Variants in SOX6 observed in about 807,000 individuals in gnomAD.
SOX6 encodes transcription factor SOX-6.
In SOX6, 11 loss-of-function variants were observed where a neutral mutation model predicts 97.8. The ratio of observed to expected loss-of-function variants is 0.11; its 90% CI spans 0.07 to 0.19. The LOEUF (loss-of-function observed/expected upper bound fraction) is 0.19, where lower values mean the gene tolerates loss of function less well. Ranked by LOEUF, SOX6 falls within the 10% of genes least tolerant of loss-of-function variation. The pLI is 1.00. For synonymous variants in SOX6, 360 were observed against 371.4 expected, an observed-to-expected ratio of 0.97 and a Z score of 0.35; for missense variants, 810 against 1,039.5, an observed-to-expected ratio of 0.78 and a Z score of 3.04.
chr11:16,154,976 C>G (rs763395085), intron 6 of SOX6, among the ~76,000 whole-genome samples: 103 of 151,882 alleles, frequency 6.8e-4, no homozygotes, highest in Non-Finnish European at 1.4e-3. Flanking sequence ...AAGACTATCG[C>G]TCCTTCTTTT....
intron 7 of SOX6, 39 bp from the exon 8 acceptor site, chr11:16,097,727 A>G (rs1848835790): frequency 1.9e-6 from 3 of 1,556,920 alleles, no homozygotes; most frequent in South Asian, 1.1e-5. Flanking sequence ...TAGACAATGC[A>G]CAGGGAATTG....
At chr11:16,130,329 A>G (rs1849708914) in intron 6 of SOX6, among the ~76,000 whole-genome samples, 1 of 152,016 alleles carries the variant, frequency 6.6e-6, no homozygotes, top group Non-Finnish European at 1.5e-5. Context: ...TTGCTAAGAG[A>G]GTAGAGTGTA....
chr11:16,324,035 T>A (rs1013457555), intron 2 of SOX6, among the ~76,000 whole-genome samples: 1 of 151,728 alleles, frequency 6.6e-6, no homozygotes, highest in Admixed American at 6.6e-5. Flanking sequence ...ATAAAAAAAA[T>A]TAGCTGAGTG....
chr11:16,373,532 C>T (rs1857548743), intron 1 of SOX6, among the ~76,000 whole-genome samples: 1 of 151,974 alleles, frequency 6.6e-6, no homozygotes, highest in South Asian at 2.1e-4. Flanking sequence ...CCTTACAGCT[C>T]TAGAAACAGT....
At chr11:16,355,226 CACAA>C (rs1396022399) in intron 1 of SOX6, among the ~76,000 whole-genome samples, 2 of 151,842 alleles carry the variant, frequency 1.3e-5, no homozygotes, top group African/African-American at 2.4e-5. Context: ...AGACCAAACT[CACAA>C]ACAATAAGGT....
At chr11:16,410,347 T>A (rs1858778795) in intron 1 of SOX6, among the ~76,000 whole-genome samples, 1 of 152,138 alleles carries the variant, frequency 6.6e-6, no homozygotes, top group Non-Finnish European at 1.5e-5. Flanking sequence ...TTTGTGTAGG[T>A]CATGACAGGC....
intron 3 of SOX6, among the ~76,000 whole-genome samples, chr11:16,280,128 A>C (rs1854511910): frequency 6.6e-6 from 1 of 152,142 alleles, no homozygotes; most frequent in African/African-American, 2.4e-5. Flanking sequence ...AACCATGGAC[A>C]TATGTATATG....
chr11:16,140,191 C>A (rs577173844), intron 6 of SOX6, among the ~76,000 whole-genome samples: 1 of 152,236 alleles, frequency 6.6e-6, no homozygotes, highest in Admixed American at 6.5e-5. Context: ...TGTTAAGCCA[C>A]CACTATGAGA....
intron 4 of SOX6, among the ~76,000 whole-genome samples, chr11:16,493,556 A>G (rs1022488227): frequency 1.3e-5 from 2 of 152,178 alleles, no homozygotes; most frequent in Non-Finnish European, 2.9e-5. Context: ...CTACTTCTTA[A>G]CCTGGGTGGT....
intron 4 of SOX6, among the ~76,000 whole-genome samples, chr11:16,567,796 C>T (rs1473031458): frequency 2.8e-4 from 41 of 145,898 alleles, no homozygotes; most frequent in Non-Finnish European, 5.7e-4. Context: ...AGGCTTGTCT[C>T]GAACTCCTGA....
intron 15 of SOX6, among the ~76,000 whole-genome samples, chr11:15,979,237 T>C (rs528591130): frequency 6.6e-6 from 1 of 151,772 alleles, no homozygotes; most frequent in East Asian, 1.9e-4. Context: ...ACTGTATTTC[T>C]TTCAAACTCT....
chr11:16,049,613 G>T, intron 11 of SOX6, 142 bp downstream of exon 11: 1 of 936,840 alleles, frequency 1.1e-6, no homozygotes. Flanking sequence ...ATACTAAATT[G>T]GGTTATGTTT....
At chr11:16,095,009 A>G (rs1241606444) in intron 9 of SOX6, among the ~76,000 whole-genome samples, 1 of 151,890 alleles carries the variant, frequency 6.6e-6, no homozygotes. Context: ...TTCATTGACT[A>G]CATAGTGTTT....
intron 10 of SOX6, among the ~76,000 whole-genome samples, chr11:16,051,456 T>G (rs1163263449): frequency 3.3e-5 from 5 of 152,142 alleles, no homozygotes; most frequent in Non-Finnish European, 1.5e-5. Flanking sequence ...GATTTTTTTG[T>G]GTGTGTTCAT....
intron 1 of SOX6, among the ~76,000 whole-genome samples, chr11:16,433,136 T>C (rs1385115109): frequency 6.6e-6 from 1 of 152,092 alleles, no homozygotes; most frequent in Non-Finnish European, 1.5e-5. Context: ...GTTCGCAGTA[T>C]TAATTTCACC....
At chr11:16,289,734 C>A (rs1854854963) in intron 3 of SOX6, among the ~76,000 whole-genome samples, 3 of 151,940 alleles carry the variant, frequency 2.0e-5, no homozygotes, top group Admixed American at 2.0e-4. Flanking sequence ...CAAACCAGTC[C>A]AGGATTTAAA....
intron 6 of SOX6, among the ~76,000 whole-genome samples, chr11:16,114,337 T>G (rs114490005): frequency 0.012 from 1,898 of 152,310 alleles, 40 homozygotes; most frequent in African/African-American, 0.043. Context: ...CTTGAACAGT[T>G]ACTTAATTGT....
chr11:16,661,622 A>G (rs1219243159), intron 3 of SOX6, among the ~76,000 whole-genome samples: 1 of 152,018 alleles, frequency 6.6e-6, no homozygotes, highest in Non-Finnish European at 1.5e-5. Context: ...GGCATAGCTC[A>G]TCACAGCCTC....
chr11:16,497,267 G>C (rs183642204), intron 4 of SOX6, among the ~76,000 whole-genome samples: 1 of 152,134 alleles, frequency 6.6e-6, no homozygotes, highest in Non-Finnish European at 1.5e-5. Context: ...CTAACTGTTA[G>C]AAGGAAAACT....
Sources: allele counts gnomAD v4.1 joint callset (sites outside exome capture counted in the v4.1 genomes callset), GRCh38; gene constraint gnomAD v4.1.1; transcripts MANE v1.5; gene names NCBI Gene and HGNC (gene_info 2026-07-23, HGNC 2026-07-21).